Variants in DCTN2 observed in about 807,000 individuals in gnomAD.
DCTN2 encodes 50 kDa dynein-associated polypeptide.
In DCTN2, 18 loss-of-function variants were observed where a neutral mutation model predicts 55.4. That is an observed-to-expected ratio of 0.32 (90% CI 0.22 to 0.48). The LOEUF (loss-of-function observed/expected upper bound fraction) is 0.48, where lower values mean the gene tolerates loss of function less well. Among genes scored for constraint, DCTN2 ranks in the 20% least tolerant of loss-of-function variants. The pLI is 0.99. For synonymous variants in DCTN2, 168 were observed against 185.2 expected (o/e 0.91, Z 0.76); for missense variants, 390 against 491.0 (o/e 0.79, Z 1.94).
At chr12:57,541,498 A>G (rs952314466) in intron 2 of DCTN2, 1 of 970,700 alleles carries the variant, frequency 1.0e-6, no homozygotes, top group Non-Finnish European at 1.6e-6. Context: ...CTAAACTGTA[A>G]GGAAGTACTG....
Position 57,535,764 on chromosome 12 carries a change from C to G in DCTN2, c.187G>C (p.Gly63Arg). The G allele has an allele frequency of 6.2e-7, 1 of 1,613,836 alleles. No individual in the cohort carries two copies. Among genetic ancestry groups the G allele is most frequent in the Non-Finnish European group, 8.5e-7 (1 of 1,179,758 alleles). The change falls in exon 3 of 14, where the codon GGG (glycine) becomes CGG (arginine). Residue 63 changes from glycine (G) to arginine (R), a missense_variant. Transcript: ENST00000548249. ...CCAGTCTCACCAAGTCCCTTTGTCC[C>G]CACTCTCTTGTCCTTGAACTTGTCA... ...AYDKFKDKRV[G>R]TKGLDFSDRI...
chr12:57,533,441 C>T, intron 7 of DCTN2, 138 bp from the exon 8 acceptor site: 1 of 825,612 alleles, frequency 1.2e-6, no homozygotes, highest in Non-Finnish European at 2.0e-6. Context: ...TAGCCACAAT[C>T]TTAAAATCCT....
At chr12:57,546,587 G>A (rs1353431283) in intron 1 of DCTN2, among the ~76,000 whole-genome samples, 3 of 152,042 alleles carry the variant, frequency 2.0e-5, no homozygotes, top group Non-Finnish European at 2.9e-5. Context: ...TTCCCTCAAG[G>A]ATAGAGCTCC....
intron 2 of DCTN2, 58 bp from the exon 3 acceptor site, chr12:57,535,903 C>T: frequency 7.3e-7 from 1 of 1,362,424 alleles, no homozygotes; most frequent in Non-Finnish European, 1.0e-6. Context: ...AGAACTTACT[C>T]TACCCCACAA....
chr12:57,535,579 A>T, intron 3 of DCTN2, 34 bp from the exon 4 acceptor site: 1 of 1,608,086 alleles, frequency 6.2e-7, no homozygotes, highest in Non-Finnish European at 8.5e-7. Context: ...TGAGGGCCTG[A>T]TCTAGGCCCA....
At chr12:57,546,164 C>T in intron 1 of DCTN2, 68 bp from the exon 2 acceptor site, 4 of 1,444,696 alleles carry the variant, frequency 2.8e-6, no homozygotes, top group Non-Finnish European at 3.9e-6. Context: ...TCCCCCACTC[C>T]ATTTGAATAA....
At chr12:57,537,491 A>T (rs1043822795) in intron 2 of DCTN2, among the ~76,000 whole-genome samples, 1 of 151,756 alleles carries the variant, frequency 6.6e-6, no homozygotes, top group African/African-American at 2.4e-5. Flanking sequence ...GTGTGTAGGT[A>T]TGTGGGGAGA....
intron 2 of DCTN2, among the ~76,000 whole-genome samples, chr12:57,543,348 C>CAAAAA (rs11386483): frequency 2.9e-5 from 3 of 104,082 alleles, no homozygotes; most frequent in Admixed American, 1.1e-4. Context: ...GACTCCGTCT[C>CAAAAA]AAAAAAAAAA....
chr12:57,547,161 G>T lies in DCTN2; in HGVS notation c.-98C>A, dbSNP rs1881250256. 2.0e-6 allele frequency: 2 copies of T among 1,025,028 alleles called. No individual in the cohort carries two copies. Among genetic ancestry groups the T allele is most frequent in the Admixed American group, 4.3e-5 (1 of 23,432 alleles). 63.5% of individuals were successfully genotyped at this position (1,025,028 alleles called of 1,614,324 possible). On this transcript the variant is annotated 5_prime_UTR_variant, in exon 1 of 14. Transcript: ENST00000548249. ...TGGGTTCGGGTCCCGGGCTAAGGCG[G>T]CGGCAAAGGGAGCGGCAGATGAGCA...
rs201954041 is a variant in DCTN2, at chr12:57,534,308, C to T, written c.508G>A (p.Asp170Asn). The change falls in exon 6 of 14, where the codon GAT becomes AAT. Residue 170 changes from aspartate to asparagine, a missense_variant. By Grantham distance (23) the Asp-to-Asn change is conservative. Around this residue, in one of 2 missense-constraint regions of DCTN2, gnomAD observed 273 missense variants for 303.2 expected, o/e 0.90. Transcript: ENST00000548249. Reference protein sequence around the residue: ...PDAAINLTDPDGALAKRLLLQ... With the variant: ...PDAAINLTDPNGALAKRLLLQ... Reference sequence around the variant, plus strand: ...GGTACCCACTTAGCCAGGGCGCCATCGGGGTCGGTAAGGTTGATTGCAGCA... The same window carrying T: ...GGTACCCACTTAGCCAGGGCGCCATTGGGGTCGGTAAGGTTGATTGCAGCA... 1.4e-5 allele frequency: 23 copies of T among 1,594,168 alleles called. No individual in the cohort carries two copies. The highest frequency in any genetic ancestry group is 1.9e-5 in the Non-Finnish European group (22 of 1,165,910).
chr12:57,544,024 T>C, intron 2 of DCTN2: 1 of 424,312 alleles, frequency 2.4e-6, no homozygotes, highest in Non-Finnish European at 4.7e-6. Flanking sequence ...ACAATATGTA[T>C]TTTTTTGTTT....
At chr12:57,539,933 G>C in intron 2 of DCTN2, 1 of 206,664 alleles carries the variant, frequency 4.8e-6, no homozygotes, top group Non-Finnish European at 8.5e-6. Flanking sequence ...GGCTGAGGCA[G>C]GAGAATCATT....
rs760428296 is a variant in DCTN2, at chr12:57,534,460, GA to G, written c.364-9del. 2 of 1,569,188 alleles carry G rather than the reference GA, an allele frequency of 1.3e-6. No homozygotes were observed. Reference sequence around the variant, plus strand: ...TGACTCCTTCACTGTCGTCTAGTATGAAAAAAGGTAGAAATCGGGGGATGGC... The same window carrying G: ...TGACTCCTTCACTGTCGTCTAGTATGAAAAAGGTAGAAATCGGGGGATGGC... On this transcript the variant is annotated splice_polypyrimidine_tract_variant and intron_variant, in intron 5 of 13. Transcript: ENST00000548249.
Position 57,536,275 on chromosome 12 carries a change from A to G in DCTN2, c.106-430T>C, listed in dbSNP as rs111817052. Among the ~76,000 whole-genome samples the G allele has an allele frequency of 7.8e-3, 1,193 of 152,348 alleles. 16 individuals carry two copies. Among genetic ancestry groups the G allele is most frequent in the African/African-American group, 0.027 (1,141 of 41,582 alleles). On this transcript the variant is annotated intron_variant, in intron 2 of 13. Transcript: ENST00000548249. ...CTAACCTCCCATCCTTGCTAGAAGGAAAGAGGAGGGAAGGCAGATAATCAG... is the reference window on the plus strand; with the variant it reads ...CTAACCTCCCATCCTTGCTAGAAGGGAAGAGGAGGGAAGGCAGATAATCAG...
chr12:57,531,884 T>A (rs1879750062), intron 13 of DCTN2, 131 bp downstream of exon 13: 3 of 1,296,410 alleles, frequency 2.3e-6, no homozygotes, highest in Non-Finnish European at 3.2e-6. Context: ...GAAAGCAGGA[T>A]GGAGACTCCA....
intron 2 of DCTN2, chr12:57,543,091 T>C: frequency 2.2e-6 from 1 of 449,620 alleles, no homozygotes; most frequent in Non-Finnish European, 4.5e-6. Flanking sequence ...GGCTCACGTC[T>C]GTAATCCCAG....
intron 9 of DCTN2, 49 bp downstream of exon 9, chr12:57,532,935 C>T: frequency 6.3e-7 from 1 of 1,596,350 alleles, no homozygotes; most frequent in South Asian, 1.1e-5. Flanking sequence ...AAACCCAAAC[C>T]CAACTATCCC....
At chr12:57,544,136 T>C (rs1166867252) in intron 2 of DCTN2, 1 of 453,928 alleles carries the variant, frequency 2.2e-6, no homozygotes, top group African/African-American at 2.0e-5. Flanking sequence ...TAGGCCTAAG[T>C]TGAACAGTCT....
intron 9 of DCTN2, 79 bp downstream of exon 9, chr12:57,532,903 ACT>A: frequency 1.3e-6 from 2 of 1,591,990 alleles, no homozygotes; most frequent in Non-Finnish European, 1.7e-6. Flanking sequence ...ATAGCTACAA[ACT>A]CAAAAATAAT....
Sources: gnomAD v4.1 joint callset for allele counts (sites outside exome capture counted in the v4.1 genomes callset) on GRCh38, gnomAD v4.1.1 for gene constraint, gnomAD v4.1.1 regional missense constraint, MANE v1.5 for transcripts, NCBI Gene and HGNC (gene_info 2026-07-23, HGNC 2026-07-21) for gene names.